The following ARHGAP26 variants were observed in gnomAD, a reference collection of about 807,000 sequenced individuals.
The protein encoded by ARHGAP26 is Rho GTPase activating protein 26, also known as rho GTPase-activating protein 26.
A neutral mutation model predicts 104.8 loss-of-function variants in ARHGAP26; 38 were observed. The observed-to-expected ratio is 0.36, with a 90% CI of 0.28 to 0.48. ARHGAP26 has a LOEUF of 0.48. Ranked by LOEUF, ARHGAP26 falls within the 20% of genes least tolerant of loss-of-function variation. The pLI is 0.99. For synonymous variants in ARHGAP26, 341 were observed against 340.0 expected (o/e 1.00, Z -0.03); for missense variants, 704 against 947.9 (o/e 0.74, Z 3.38).
chr5:143,089,777 A>C (rs1413434742), intron 17 of ARHGAP26, among the ~76,000 whole-genome samples: 1 of 152,222 alleles, frequency 6.6e-6, no homozygotes, highest in Non-Finnish European at 1.5e-5. Context: ...CGGGCTTGAA[A>C]TTGTTCTGGT....
At chr5:143,090,194 G>T (rs939457869) in intron 17 of ARHGAP26, among the ~76,000 whole-genome samples, 1 of 152,258 alleles carries the variant, frequency 6.6e-6, no homozygotes, top group Non-Finnish European at 1.5e-5. Context: ...GAGAGAGAGC[G>T]TGGCATGACT....
chr5:143,125,360 A>G (rs1013850205), intron 18 of ARHGAP26, among the ~76,000 whole-genome samples: 1 of 152,210 alleles, frequency 6.6e-6, no homozygotes, highest in African/African-American at 2.4e-5. Flanking sequence ...CTGCAAGTCT[A>G]GAAACACCCT....
chr5:142,888,727 A>G (rs533886410), intron 5 of ARHGAP26, among the ~76,000 whole-genome samples: 41 of 152,324 alleles, frequency 2.7e-4, no homozygotes, highest in African/African-American at 7.9e-4. Context: ...TTTGAATGGT[A>G]AAAAAGCTCG....
At chr5:143,099,008 G>GA (rs2150593930) in intron 17 of ARHGAP26, among the ~76,000 whole-genome samples, 1 of 152,254 alleles carries the variant, frequency 6.6e-6, no homozygotes, top group East Asian at 1.9e-4. Context: ...TATGTCCAAT[G>GA]AAAGACACAA....
intron 10 of ARHGAP26, among the ~76,000 whole-genome samples, chr5:142,913,808 G>T (rs917724132): frequency 6.6e-6 from 1 of 152,154 alleles, no homozygotes; most frequent in Non-Finnish European, 1.5e-5. Context: ...CAAACCACTC[G>T]TGAAATCACA....
intron 14 of ARHGAP26, among the ~76,000 whole-genome samples, chr5:143,046,191 C>A (rs990932826): frequency 3.9e-5 from 6 of 152,056 alleles, no homozygotes; most frequent in Non-Finnish European, 8.8e-5. Context: ...TATAGCCCTG[C>A]TACTCAGGAG....
intron 20 of ARHGAP26, among the ~76,000 whole-genome samples, chr5:143,148,972 T>A (rs1010697673): frequency 2.6e-5 from 4 of 152,198 alleles, no homozygotes; most frequent in Admixed American, 2.6e-4. Context: ...TGTGGGCCCC[T>A]GAGTCACTGC....
At chr5:142,921,673 T>TA (rs1333617511) in intron 10 of ARHGAP26, 1 of 165,796 alleles carries the variant, frequency 6.0e-6, no homozygotes, top group Non-Finnish European at 1.5e-5. Context: ...ATGATGCAGG[T>TA]AAAAAAGATA....
chr5:142,825,774 TAG>T (rs1321456794), intron 1 of ARHGAP26, among the ~76,000 whole-genome samples: 1 of 152,166 alleles, frequency 6.6e-6, no homozygotes, highest in Non-Finnish European at 1.5e-5. Context: ...TTCTGTCCAG[TAG>T]AGACTCCAGA....
chr5:142,974,670 G>A (rs765021100), intron 11 of ARHGAP26, among the ~76,000 whole-genome samples: 2 of 152,126 alleles, frequency 1.3e-5, no homozygotes, highest in African/African-American at 4.8e-5. Flanking sequence ...GCAGGGCTCC[G>A]CTCCCGCCTG....
At chr5:143,192,481 G>C (rs1423379583) in intron 20 of ARHGAP26, 1 of 152,258 alleles carries the variant, frequency 6.6e-6, no homozygotes, top group Non-Finnish European at 1.5e-5. Flanking sequence ...TGTGAGAAAA[G>C]AGTGTTTTTC....
At chr5:142,812,113 C>T (rs1287184596) in intron 1 of ARHGAP26, among the ~76,000 whole-genome samples, 2 of 151,942 alleles carry the variant, frequency 1.3e-5, no homozygotes, top group African/African-American at 2.4e-5. Context: ...ACTGCCTTTT[C>T]CCCCCAGTGC....
At chr5:143,141,955 C>G (rs760710697) in intron 19 of ARHGAP26, among the ~76,000 whole-genome samples, 6 of 152,110 alleles carry the variant, frequency 3.9e-5, no homozygotes, top group Non-Finnish European at 5.9e-5. Context: ...TCATGAAATT[C>G]AGTTTTATTG....
chr5:143,182,104 C>T (rs953782952), intron 20 of ARHGAP26, among the ~76,000 whole-genome samples: 5 of 152,202 alleles, frequency 3.3e-5, no homozygotes, highest in African/African-American at 7.2e-5. Flanking sequence ...ATAGCCTGCC[C>T]TGACCCTTCT....
intron 17 of ARHGAP26, among the ~76,000 whole-genome samples, chr5:143,071,053 C>T (rs1472833255): frequency 2.0e-5 from 3 of 151,954 alleles, no homozygotes; most frequent in Admixed American, 2.0e-4. Context: ...TCACACTACC[C>T]AACCTCAAAA....
intron 10 of ARHGAP26, among the ~76,000 whole-genome samples, chr5:142,931,249 A>G (rs1249458543): frequency 1.3e-5 from 2 of 152,238 alleles, no homozygotes; most frequent in Admixed American, 6.5e-5. Context: ...TTCACCCTAA[A>G]TGAAGAACTC....
intron 11 of ARHGAP26, among the ~76,000 whole-genome samples, chr5:143,004,262 A>C (rs1427128014): frequency 6.6e-6 from 1 of 152,156 alleles, no homozygotes; most frequent in Non-Finnish European, 1.5e-5. Flanking sequence ...GTTAGTCCAC[A>C]AGGACTCAGA....
chr5:142,825,738 C>T (rs929321982), intron 1 of ARHGAP26, among the ~76,000 whole-genome samples: 2 of 152,118 alleles, frequency 1.3e-5, no homozygotes, highest in African/African-American at 4.8e-5. Context: ...GCCGATATTC[C>T]GAAGCAAGGT....
At chr5:143,135,765 C>A (rs1797843938) in intron 19 of ARHGAP26, among the ~76,000 whole-genome samples, 1 of 152,208 alleles carries the variant, frequency 6.6e-6, no homozygotes, top group Non-Finnish European at 1.5e-5. Flanking sequence ...TAGATAAATT[C>A]TTAGAATAAT....
Sources: gnomAD v4.1 joint callset for allele counts (sites outside exome capture counted in the v4.1 genomes callset) on GRCh38, gnomAD v4.1.1 for gene constraint, MANE v1.5 for transcripts, NCBI Gene and HGNC (gene_info 2026-07-23, HGNC 2026-07-21) for gene names.